NF1: variants seen among roughly 807,000 people sequenced by gnomAD.
NF1 encodes neurofibromin.
NF1 carries 122 observed loss-of-function variants against 325.7 expected under a neutral mutation model. The ratio of observed to expected loss-of-function variants is 0.37; its 90% confidence interval spans 0.32 to 0.44. The LOEUF (loss-of-function observed/expected upper bound fraction) is 0.44, where lower values mean the gene tolerates loss of function less well. Ranked by LOEUF, NF1 falls within the 20% of genes least tolerant of loss-of-function variation. The probability of loss-of-function intolerance (pLI) is 1.00; values close to 1 mark genes in which losing one functional copy is unlikely to be tolerated. For synonymous variants in NF1, 1,091 were observed against 1,186.0 expected, an observed-to-expected ratio of 0.92 and a Z score of 1.65; for missense variants, 2,140 against 3,415.4, an observed-to-expected ratio of 0.63 and a Z score of 9.31.
rs4795589 is a variant in NF1, at chr17:31,263,099, G to A, written c.4724+1242G>A. 4.7e-3 allele frequency among the ~76,000 whole-genome samples: 418 copies of A among 89,718 alleles called. 2 individuals are homozygous for A. Among genetic ancestry groups the A allele is most frequent in the African/African-American group, 0.014 (355 of 24,770 alleles). The allele number at this position is 89,718 out of a possible 152,430, so 58.9% of individuals were successfully genotyped here. The stretch of plus-strand genomic sequence containing the variant: ...GATAGGTAGGTAGGTAGGTAGGTAG[G>A]TAGGTAGGTAGATAGATAGATAGAT... On this transcript the variant is annotated intron_variant, in intron 35 of 57. Transcript: ENST00000358273.
At chr17:31,349,911 C>G (rs981650919) in intron 49 of NF1, among the ~76,000 whole-genome samples, 27 of 152,194 alleles carry the variant, frequency 1.8e-4, no homozygotes, top group African/African-American at 4.8e-5. Flanking sequence ...TTGAGCAAAT[C>G]ATTTAACATC....
At chr17:31,218,247 A>G (rs991118675) in intron 13 of NF1, among the ~76,000 whole-genome samples, 2 of 152,134 alleles carry the variant, frequency 1.3e-5, no homozygotes, top group African/African-American at 4.8e-5. Flanking sequence ...CCAGTTTACT[A>G]TTGTTGGAAA....
chr17:31,210,399 A>G (rs1168509364), intron 12 of NF1, among the ~76,000 whole-genome samples: 1 of 152,182 alleles, frequency 6.6e-6, no homozygotes, highest in Non-Finnish European at 1.5e-5. Context: ...CTGGGCCAAC[A>G]TGGTGAAACC....
At chr17:31,118,850 C>A (rs940030687) in intron 1 of NF1, among the ~76,000 whole-genome samples, 2 of 151,924 alleles carry the variant, frequency 1.3e-5, no homozygotes, top group Non-Finnish European at 2.9e-5. Context: ...GTTGTAGATC[C>A]TTGAGGAATC....
Position 31,305,352 on chromosome 17 carries a change from A to G in NF1, c.4836-20468A>G, listed in dbSNP as rs763490665. On this transcript the variant is annotated intron_variant, in intron 36 of 57. Coordinates refer to ENST00000358273, the MANE Select transcript of NF1 (RefSeq NM_001042492.3). ...GTGCTTCTGGTTTTTCAGAAGAGGT[A>G]TAGACAGCTGGTGTTGGTTGTCCAG... The G allele has an allele frequency of 1.2e-5, 20 of 1,614,034 alleles. No homozygotes were observed. Among genetic ancestry groups the G allele is most frequent in the Admixed American group, 6.7e-5 (4 of 59,990 alleles).
chr17:31,305,393 G>T, intron 36 of NF1: 1 of 1,614,180 alleles, frequency 6.2e-7, no homozygotes, highest in South Asian at 1.1e-5. Context: ...ACTTTGGCAG[G>T]TGATATTGAT....
At chr17:31,309,583 C>T (rs1217181285) in intron 36 of NF1, among the ~76,000 whole-genome samples, 2 of 152,102 alleles carry the variant, frequency 1.3e-5, no homozygotes, top group East Asian at 1.9e-4. Context: ...TAATGCTATG[C>T]AAAGCATCAG....
intron 57 of NF1, among the ~76,000 whole-genome samples, chr17:31,371,351 G>A (rs1488986123): frequency 6.6e-6 from 1 of 151,990 alleles, no homozygotes; most frequent in Non-Finnish European, 1.5e-5. Flanking sequence ...ACAGAATAAT[G>A]CATCATGAAG....
rs2070273132 is a variant in NF1 at position 31,356,476 on chromosome 17, T to C, written c.7632T>C (p.Phe2544=). ...TGTTTATAGGAACAAGGAAAAGTTT[T>C]GATCACTTGATATCAGACACAAAGG... ...TKKLLGTRKS[F]DHLISDTKAP... is the part of the protein sequence containing the mutation. The change falls in exon 52 of 58, where the codon TTT becomes TTC. Residue 2544 remains phenylalanine (F), a synonymous_variant. Transcript: ENST00000358273. 1 of 1,613,562 alleles carries C rather than the reference T, an allele frequency of 6.2e-7. No individual in the cohort carries two copies.
At chr17:31,229,622 T>G (rs1415644481) in intron 21 of NF1, 157 bp downstream of exon 21, 4 of 1,036,536 alleles carry the variant, frequency 3.9e-6, no homozygotes, top group Non-Finnish European at 4.4e-6. Context: ...AGGGGTCAGC[T>G]TGCCTCTTAG....
At position 31,225,223 on chromosome 17, in the gene NF1, C is replaced by A. The variant is rs751318331; in HGVS notation, c.1974C>A (p.Leu658=). ...TACTACGTACTCCTGGAGCCTCTCT[C>A]CGGAAGGGAAAAGGGAACTCCTCTA... is the stretch of plus-strand genomic sequence containing the variant. The part of the protein sequence containing the change: ...EELLRTPGAS[L]RKGKGNSSMD... The change falls in exon 17 of 58, where the codon CTC becomes CTA. Residue 658 remains leucine, a synonymous_variant. Coordinates refer to ENST00000358273, the MANE Select transcript of NF1 (RefSeq NM_001042492.3). 12 of 1,613,732 alleles carry A rather than the reference C, an allele frequency of 7.4e-6. No individual in the cohort carries two copies. In the East Asian group the frequency reaches 2.7e-4, roughly 36 times the overall value.
At chr17:31,159,309 A>G (rs1043587688) in intron 3 of NF1, among the ~76,000 whole-genome samples, 1 of 152,190 alleles carries the variant, frequency 6.6e-6, no homozygotes, top group South Asian at 2.1e-4. Context: ...TATTAAGTTT[A>G]CTTATAAAAT....
At chr17:31,126,246 T>C (rs1914879590) in intron 1 of NF1, among the ~76,000 whole-genome samples, 1 of 152,208 alleles carries the variant, frequency 6.6e-6, no homozygotes, top group Admixed American at 6.6e-5. Flanking sequence ...TTCATTGTAA[T>C]TTGAATCTGT....
At position 31,318,486 on chromosome 17, in the gene NF1, C is replaced by T. The variant is rs750465216; in HGVS notation, c.4836-7334C>T. ...CCAGAAAATCGCCATTGCTTCTAGG[C>T]TGACGCTTGCCTACTTGTTTTGATC... On this transcript the variant is annotated intron_variant, in intron 36 of 57. Transcript: ENST00000358273. 6 of 1,614,054 alleles carry T rather than the reference C, an allele frequency of 3.7e-6. No individual in the cohort carries two copies. In the Admixed American group the frequency reaches 1.0e-4, roughly 27 times the overall value.
chr17:31,218,538 GA>G (rs1331760108), intron 13 of NF1, among the ~76,000 whole-genome samples: 1 of 151,704 alleles, frequency 6.6e-6, no homozygotes, highest in Non-Finnish European at 1.5e-5. Flanking sequence ...TGTAATTCTA[GA>G]ACTTTTTTTT....
rs1567835228 is a variant in NF1, at chr17:31,200,551, T to C, written c.1018T>C (p.Ser340Pro). 6.2e-7 allele frequency: 1 copy of C among 1,614,088 alleles called. No individual in the cohort carries two copies. Among genetic ancestry groups the C allele is most frequent in the Admixed American group, 1.7e-5 (1 of 60,034 alleles). Residue 340 changes from serine (S) to proline (P), a missense_variant, in exon 9 of 58, where the codon TCT becomes CCT. By Grantham distance (74) the Ser-to-Pro change is moderately conservative (BLOSUM62 -1). Around this residue, in one of 10 missense-constraint regions of NF1, gnomAD observed 179 missense variants for 381.0 expected, o/e 0.47. Transcript: ENST00000358273. Reference sequence around the variant, plus strand: ...TACTTACATCAATTGGGAAGATAACTCTGTCATTTTCCTACTTGTTCAGTC... The same window carrying C: ...TACTTACATCAATTGGGAAGATAACCCTGTCATTTTCCTACTTGTTCAGTC... ...ASTYINWEDN[S>P]VIFLLVQSMV...
In NF1 at chr17:31,374,209, AC is replaced by A; in HGVS notation, c.*58del. The A allele has an allele frequency of 6.2e-7, 1 of 1,609,218 alleles. No homozygotes were observed. The highest frequency in any genetic ancestry group is 8.5e-7 in the Non-Finnish European group (1 of 1,176,204). On this transcript the variant is annotated 3_prime_UTR_variant, in exon 58 of 58. Transcript: ENST00000358273. ...ACTTAACATGGGCTCTTCACTAGTGACCCCTTCCCTGTCCTTGCCCTTTCCC... is the reference window on the plus strand; with the variant it reads ...ACTTAACATGGGCTCTTCACTAGTGACCCTTCCCTGTCCTTGCCCTTTCCC...
chr17:31,340,423 C>A (rs2069786199), intron 46 of NF1, 82 bp from the exon 47 acceptor site: 3 of 1,571,350 alleles, frequency 1.9e-6, no homozygotes, highest in Non-Finnish European at 1.8e-6. Context: ...AGATAAGCTG[C>A]TTTATTTTTA....
In NF1 at chr17:31,295,266, G is replaced by C; in HGVS notation, c.4835+29927G>C. ...TTTGTGACCATTCCATCTTGGAGATGAATAGTTAGAGTTGCAGCTGCTGCT... is the reference window on the plus strand; with the variant it reads ...TTTGTGACCATTCCATCTTGGAGATCAATAGTTAGAGTTGCAGCTGCTGCT... On this transcript the variant is annotated intron_variant, in intron 36 of 57. Coordinates refer to ENST00000358273, the MANE Select transcript of NF1 (RefSeq NM_001042492.3). 6.2e-7 allele frequency: 1 copy of C among 1,614,096 alleles called. No individual in the cohort carries two copies. Among genetic ancestry groups the C allele is most frequent in the Non-Finnish European group, 8.5e-7 (1 of 1,180,016 alleles).
Sources: gnomAD v4.1 joint callset for allele counts (sites outside exome capture counted in the v4.1 genomes callset) on GRCh38, gnomAD v4.1.1 for gene constraint, gnomAD v4.1.1 regional missense constraint, MANE v1.5 for transcripts, NCBI Gene and HGNC (gene_info 2026-07-23, HGNC 2026-07-21) for gene names.